PTPRK: variants seen among roughly 807,000 people sequenced by gnomAD.
The protein encoded by PTPRK is protein tyrosine phosphatase receptor type K, also known as receptor-type tyrosine-protein phosphatase kappa.
PTPRK carries 75 observed loss-of-function variants against 178.0 expected under a neutral mutation model. The observed-to-expected ratio is 0.42, with a 90% CI of 0.35 to 0.51. PTPRK has a LOEUF of 0.51. Among genes scored for constraint, PTPRK ranks in the 20% least tolerant of loss-of-function variants. The probability of loss-of-function intolerance (pLI) is 0.02; values close to 1 mark genes in which losing one functional copy is unlikely to be tolerated. For missense variants in PTPRK, 1,441 were observed against 1,797.8 expected, an observed-to-expected ratio of 0.80 and a Z score of 3.59; for synonymous variants, 637 against 620.6, an observed-to-expected ratio of 1.03 and a Z score of -0.39.
rs541387008 is a variant in PTPRK, at chr6:127,970,124, C to A, written c.*103G>T. 1 of 816,144 alleles carries A rather than the reference C, an allele frequency of 1.2e-6. No individual in the cohort carries two copies. 50.6% of individuals were successfully genotyped at this position (816,144 alleles called of 1,614,324 possible). Reference sequence around the variant, plus strand: ...TCTCAAATGTAAAAGTCTCCCACCCCCCACATTAAAATCTTTCTGCACAAG... The same window carrying A: ...TCTCAAATGTAAAAGTCTCCCACCCACCACATTAAAATCTTTCTGCACAAG... On this transcript the variant is annotated 3_prime_UTR_variant, in exon 30 of 30. Coordinates refer to ENST00000368226, the MANE Select transcript of PTPRK (RefSeq NM_002844.4).
At chr6:128,184,867 T>C in intron 6 of PTPRK, 142 bp from the exon 7 acceptor site, 1 of 869,498 alleles carries the variant, frequency 1.2e-6, no homozygotes, top group Non-Finnish European at 1.7e-6. Flanking sequence ...AGAAGACGCA[T>C]GATCTGACAA....
rs57574237 is a variant in PTPRK, at chr6:128,198,436, C to T, written c.869-13711G>A. Among the ~76,000 whole-genome samples the T allele has an allele frequency of 6.4e-3, 978 of 151,938 alleles. 10 individuals are homozygous for T. The highest frequency in any genetic ancestry group is 0.023 in the African/African-American group (952 of 41,408). ...GAGTTGAACAACGAGAACACATGGA[C>T]ACAGGGAGGGGAACATTATACACCA... On this transcript the variant is annotated intron_variant, in intron 6 of 29. Coordinates refer to ENST00000368226, the MANE Select transcript of PTPRK (RefSeq NM_002844.4).
chr6:128,027,065 G>A (rs185037397), intron 13 of PTPRK, among the ~76,000 whole-genome samples: 14 of 152,196 alleles, frequency 9.2e-5, no homozygotes, highest in East Asian at 5.8e-4. Context: ...GATAGAATGC[G>A]CCACATATAT....
intron 1 of PTPRK, among the ~76,000 whole-genome samples, chr6:128,423,538 T>A (rs1843737242): frequency 6.6e-6 from 1 of 152,066 alleles, no homozygotes; most frequent in South Asian, 2.1e-4. Context: ...TTTTCAAAAG[T>A]AACATAGATT....
chr6:128,356,250 TAAC>T (rs1195106887), intron 2 of PTPRK, among the ~76,000 whole-genome samples: 1 of 152,182 alleles, frequency 6.6e-6, no homozygotes, highest in Non-Finnish European at 1.5e-5. Flanking sequence ...TCCTCCATTT[TAAC>T]AACAACAGCA....
chr6:128,349,531 A>G (rs191596788), intron 2 of PTPRK, among the ~76,000 whole-genome samples: 143 of 152,222 alleles, frequency 9.4e-4, no homozygotes, highest in African/African-American at 3.3e-3. Flanking sequence ...TATTTTAGGT[A>G]AAGAGCTGCT....
chr6:128,420,943 A>T (rs888406427), intron 1 of PTPRK, among the ~76,000 whole-genome samples: 1 of 152,186 alleles, frequency 6.6e-6, no homozygotes, highest in Non-Finnish European at 1.5e-5. Context: ...TTTGGAAGAG[A>T]CCTTCTGTGC....
chr6:128,067,119 C>G (rs1371815327), intron 12 of PTPRK, among the ~76,000 whole-genome samples: 16 of 152,206 alleles, frequency 1.1e-4, no homozygotes, highest in Non-Finnish European at 4.4e-5. Flanking sequence ...CTGTGGAACA[C>G]GCATTCTGTT....
intron 3 of PTPRK, among the ~76,000 whole-genome samples, chr6:128,245,875 C>A (rs1223874048): frequency 6.6e-6 from 1 of 152,122 alleles, no homozygotes; most frequent in East Asian, 1.9e-4. Context: ...TGAAAAAAAC[C>A]CTGTATTATA....
intron 3 of PTPRK, among the ~76,000 whole-genome samples, chr6:128,274,156 G>A (rs1232786932): frequency 6.6e-6 from 1 of 152,032 alleles, no homozygotes; most frequent in African/African-American, 2.4e-5. Context: ...AGAATAGCAA[G>A]TCTAAATAAT....
At chr6:128,488,665 G>A (rs1226300331) in intron 1 of PTPRK, among the ~76,000 whole-genome samples, 3 of 152,170 alleles carry the variant, frequency 2.0e-5, no homozygotes, top group East Asian at 1.9e-4. Flanking sequence ...GCTTACTGGA[G>A]TGCTCAGAGC....
At chr6:128,067,847 T>A in intron 11 of PTPRK, 55 bp from the exon 12 acceptor site, 1 of 1,417,008 alleles carries the variant, frequency 7.1e-7, no homozygotes, top group Non-Finnish European at 9.3e-7. Context: ...ATTTAGAGAT[T>A]TAAGATACTA....
intron 1 of PTPRK, among the ~76,000 whole-genome samples, chr6:128,479,557 A>G (rs1466914687): frequency 1.3e-5 from 2 of 152,052 alleles, no homozygotes; most frequent in African/African-American, 4.8e-5. Context: ...GTACATTTTT[A>G]ATTGCAATAG....
chr6:128,356,233 T>C (rs1833943477), intron 2 of PTPRK, among the ~76,000 whole-genome samples: 2 of 152,166 alleles, frequency 1.3e-5, no homozygotes, highest in African/African-American at 4.8e-5. Flanking sequence ...GGCCCCTGCA[T>C]AGAATCTCCT....
chr6:128,464,636 CACATATATATAT>C (rs1267944317), intron 1 of PTPRK, among the ~76,000 whole-genome samples: 4 of 40,740 alleles, frequency 9.8e-5, no homozygotes, highest in African/African-American at 1.3e-4. Context: ...TATATATATA[CACATATATATAT>C]ATATATATAT....
intron 3 of PTPRK, among the ~76,000 whole-genome samples, chr6:128,277,825 C>A (rs989284584): frequency 6.6e-6 from 1 of 150,698 alleles, no homozygotes; most frequent in African/African-American, 2.4e-5. Flanking sequence ...AAGTACCTGG[C>A]CCATCTGAGG....
intron 6 of PTPRK, among the ~76,000 whole-genome samples, chr6:128,216,360 C>T (rs1471286587): frequency 6.6e-6 from 1 of 151,886 alleles, no homozygotes; most frequent in Non-Finnish European, 1.5e-5. Flanking sequence ...CATGGAGAAA[C>T]CCCCTCTCTA....
chr6:128,327,859 T>C (rs1829774606), intron 2 of PTPRK, among the ~76,000 whole-genome samples: 1 of 151,330 alleles, frequency 6.6e-6, no homozygotes, highest in Non-Finnish European at 1.5e-5. Context: ...TTGCTGAGAA[T>C]CAGATTTCCT....
chr6:128,446,549 C>T (rs1847059445), intron 1 of PTPRK, among the ~76,000 whole-genome samples: 3 of 152,166 alleles, frequency 2.0e-5, no homozygotes, highest in Non-Finnish European at 2.9e-5. Flanking sequence ...GTCTGTGACA[C>T]TGTTACATGT....
Sources: allele counts gnomAD v4.1 joint callset (sites outside exome capture counted in the v4.1 genomes callset), GRCh38; gene constraint gnomAD v4.1.1; transcripts MANE v1.5; gene names NCBI Gene and HGNC (gene_info 2026-07-23, HGNC 2026-07-21).